The following CECR2 variants were observed in gnomAD, a reference collection of about 807,000 sequenced individuals.
CECR2 encodes the protein chromatin remodeling regulator CECR2.
CECR2 carries 30 observed loss-of-function variants against 154.5 expected under a neutral mutation model. The observed-to-expected ratio is 0.19, with a 90% confidence interval of 0.15 to 0.26. The LOEUF is 0.26. Ranked by LOEUF, CECR2 falls within the 10% of genes least tolerant of loss-of-function variation. The pLI is 1.00. For missense variants in CECR2, 1,743 were observed against 1,829.3 expected (o/e 0.95, Z 0.86); for synonymous variants, 725 against 683.7 (o/e 1.06, Z -0.94).
chr22:17,480,357 A>AC (rs1276935574), intron 2 of CECR2, among the ~76,000 whole-genome samples: 2 of 150,908 alleles, frequency 1.3e-5, no homozygotes, highest in Non-Finnish European at 3.0e-5. Flanking sequence ...GAGTTAGCTT[A>AC]CAGGTCTGTG....
rs758678613 is a variant in CECR2, at chr22:17,538,525, A to T, written c.1244A>T (p.Glu415Val). Reference protein sequence around the residue: ...REEKKTKDLFELDDDFTAMYK... With the variant: ...REEKKTKDLFVLDDDFTAMYK... The stretch of plus-strand genomic sequence containing the variant: ...TCTTATTTTGTGATTTACAGCTTTG[A>T]GTTGGATGATGATTTCACTGCTATG... Residue 415 changes from glutamate to valine, a missense_variant, in exon 11 of 19, where the codon GAG becomes GTG. Physicochemically the swap from Glu to Val is moderately radical, Grantham distance 121. This residue lies in a region of CECR2 where 292 missense variants were observed against 301.2 expected (regional missense o/e 0.97). Coordinates refer to ENST00000262608, the MANE Select transcript of CECR2 (RefSeq NM_001290047.2). 3 of 1,613,528 alleles carry T rather than the reference A, an allele frequency of 1.9e-6. No individual in the cohort carries two copies. Among genetic ancestry groups the T allele is most frequent in the African/African-American group, 1.3e-5 (1 of 74,918 alleles).
At chr22:17,460,969 G>C (rs1310688291) in intron 1 of CECR2, among the ~76,000 whole-genome samples, 1 of 152,152 alleles carries the variant, frequency 6.6e-6, no homozygotes, top group Non-Finnish European at 1.5e-5. Context: ...GTCTTAGCTG[G>C]CCTTTAGTTC....
At chr22:17,402,021 T>C (rs1301716958) in intron 1 of CECR2, among the ~76,000 whole-genome samples, 1 of 152,154 alleles carries the variant, frequency 6.6e-6, no homozygotes, top group Non-Finnish European at 1.5e-5. Flanking sequence ...TCTCGCTCTT[T>C]TGCCCAGGCT....
At chr22:17,449,864 G>C (rs907310505) in intron 1 of CECR2, among the ~76,000 whole-genome samples, 3 of 152,174 alleles carry the variant, frequency 2.0e-5, no homozygotes, top group South Asian at 2.1e-4. Context: ...GGTCTGATAA[G>C]TTTTTCCCCC....
chr22:17,558,134 A>G lies in CECR2; in HGVS notation c.*5294A>G, dbSNP rs1417581680. On this transcript the variant is annotated 3_prime_UTR_variant, in exon 19 of 19. Transcript: ENST00000262608. ...ATGAACTGGTTATTTTGTATAAAGT[A>G]CATGCTTAAAATAGCAAGGCTCCTC... 1.3e-5 allele frequency: 2 copies of G among 152,212 alleles called. No homozygotes were observed. The highest frequency in any genetic ancestry group is 4.8e-5 in the African/African-American group (2 of 41,440). The allele number at this position is 152,212 out of a possible 1,614,324, so 9.4% of individuals were successfully genotyped here. A position where few individuals can be genotyped will look rare whatever the true frequency, so the allele number is the denominator to read the frequency against.
chr22:17,466,884 A>G (rs5746410), intron 1 of CECR2, among the ~76,000 whole-genome samples: 40,428 of 151,988 alleles, frequency 0.27, 6,118 homozygotes, highest in East Asian at 0.42. Context: ...GAGCCACTGC[A>G]CTTGGCCAAA....
At chr22:17,552,592 T>C (rs1022818188) in intron 18 of CECR2, among the ~76,000 whole-genome samples, 2 of 152,042 alleles carry the variant, frequency 1.3e-5, no homozygotes, top group African/African-American at 2.4e-5. Context: ...GTAGTTCTCA[T>C]TGGCTGCATC....
chr22:17,548,930 C>G lies in CECR2; in HGVS notation c.3643C>G (p.Pro1215Ala), dbSNP rs772905660. The G allele has an allele frequency of 6.2e-7, 1 of 1,613,800 alleles. No individual in the cohort carries two copies. The highest frequency in any genetic ancestry group is 1.1e-5 in the South Asian group (1 of 91,044). Residue 1215 changes from proline (P) to alanine (A), a missense_variant, in exon 17 of 19, where the codon CCT becomes GCT. Pro to Ala is a conservative substitution (Grantham distance 27, BLOSUM62 -1). Around this residue, in one of 4 missense-constraint regions of CECR2, gnomAD observed 1,250 missense variants for 1,192.1 expected, o/e 1.05. Coordinates refer to ENST00000262608, the MANE Select transcript of CECR2 (RefSeq NM_001290047.2). ...CPQSFSDWQRPLHPQGSPSGP... is the reference protein window; with the variant it reads ...CPQSFSDWQRALHPQGSPSGP... ...ACAGAGCTTTTCTGACTGGCAGAGACCTCTCCATCCCCAGGGAAGCCCAAG... is the reference window on the plus strand; with the variant it reads ...ACAGAGCTTTTCTGACTGGCAGAGAGCTCTCCATCCCCAGGGAAGCCCAAG...
intron 1 of CECR2, among the ~76,000 whole-genome samples, chr22:17,442,627 C>G (rs9605294): frequency 0.13 from 19,938 of 152,114 alleles, 1,512 homozygotes; most frequent in South Asian, 0.25. Flanking sequence ...CAGCTCACTG[C>G]AGCCTCCACC....
chr22:17,514,550 A>G (rs932638653), intron 8 of CECR2, among the ~76,000 whole-genome samples: 3 of 152,214 alleles, frequency 2.0e-5, no homozygotes, highest in Non-Finnish European at 4.4e-5. Context: ...ATTGCAGCCT[A>G]AGACAGTATC....
chr22:17,442,278 A>T (rs1164603134), intron 1 of CECR2, among the ~76,000 whole-genome samples: 3 of 152,162 alleles, frequency 2.0e-5, no homozygotes, highest in Non-Finnish European at 4.4e-5. Flanking sequence ...AAAAATGCAG[A>T]TCAGGCCAGG....
rs76627280 is a variant in CECR2 at position 17,506,626 on chromosome 22, A to C, written c.870+1610A>C. On this transcript the variant is annotated intron_variant, in intron 7 of 18. Coordinates refer to ENST00000262608, the MANE Select transcript of CECR2 (RefSeq NM_001290047.2). The stretch of plus-strand genomic sequence containing the variant: ...ATCTTTTTAACAGCCACGACACTTA[A>C]TGTCATTTCTTTTCATGTTTTTTTG... Among the ~76,000 whole-genome samples the C allele has an allele frequency of 5.8e-3, 882 of 152,002 alleles. 10 individuals carry two copies. Among genetic ancestry groups the C allele is most frequent in the African/African-American group, 0.02 (826 of 41,458 alleles).
At chr22:17,368,849 G>A (rs2063020199), upstream of CECR2, among the ~76,000 whole-genome samples, 1 of 151,726 alleles carries the variant, frequency 6.6e-6, no homozygotes, top group African/African-American at 2.4e-5. Flanking sequence ...CCTTCCCGCC[G>A]CTCTCCAGCC....
chr22:17,540,210 C>A (rs1297060530), intron 13 of CECR2, among the ~76,000 whole-genome samples: 1 of 151,736 alleles, frequency 6.6e-6, no homozygotes, highest in Non-Finnish European at 1.5e-5. Flanking sequence ...ACCACGTCTT[C>A]TTCATCTTGC....
chr22:17,367,395 T>C (rs1445448102), upstream of CECR2, among the ~76,000 whole-genome samples: 1 of 152,096 alleles, frequency 6.6e-6, no homozygotes, highest in Non-Finnish European at 1.5e-5. Context: ...TTTTAATTTT[T>C]ATTTTTTGAG....
intron 1 of CECR2, among the ~76,000 whole-genome samples, chr22:17,383,316 C>T (rs2146481007): frequency 6.6e-6 from 1 of 152,334 alleles, no homozygotes; most frequent in South Asian, 2.1e-4. Flanking sequence ...ATATTCCTTT[C>T]ATGAAAGATT....
rs907779581 is a variant in CECR2 at position 17,557,995 on chromosome 22, A to G, written c.*5155A>G. On this transcript the variant is annotated 3_prime_UTR_variant, in exon 19 of 19. Transcript: ENST00000262608. ...TCGTGGTCTGCTGATTCCCTGTTTCACTGAGAGCGACACTTACCTCAATAG... is the reference window on the plus strand; with the variant it reads ...TCGTGGTCTGCTGATTCCCTGTTTCGCTGAGAGCGACACTTACCTCAATAG... The G allele has an allele frequency of 1.3e-5, 2 of 152,188 alleles. No individual in the cohort carries two copies. Among genetic ancestry groups the G allele is most frequent in the Non-Finnish European group, 2.9e-5 (2 of 68,036 alleles). 9.4% of individuals were successfully genotyped at this position (152,188 alleles called of 1,614,324 possible).
intron 1 of CECR2, among the ~76,000 whole-genome samples, chr22:17,424,957 A>G (rs1370319298): frequency 6.6e-6 from 1 of 152,234 alleles, no homozygotes; most frequent in Non-Finnish European, 1.5e-5. Context: ...GAGGTCGAAG[A>G]CAAGGCGGAG....
At chr22:17,500,773 C>A in intron 5 of CECR2, 38 bp downstream of exon 5, 1 of 1,330,760 alleles carries the variant, frequency 7.5e-7, no homozygotes, top group Non-Finnish European at 1.0e-6. Flanking sequence ...TAGACCATGG[C>A]AGAAGGGACC....
Sources: allele counts gnomAD v4.1 joint callset (sites outside exome capture counted in the v4.1 genomes callset), GRCh38; gene constraint gnomAD v4.1.1; regional missense constraint gnomAD v4.1.1; transcripts MANE v1.5; gene names NCBI Gene and HGNC (gene_info 2026-07-23, HGNC 2026-07-21).